ORC4: variants seen among roughly 807,000 people sequenced by gnomAD.
ORC4 encodes the protein origin recognition complex, subunit 4 homolog.
Under a neutral mutation model 63.9 loss-of-function variants are expected in ORC4, and 55 were observed. That is an observed-to-expected ratio of 0.86 (90% CI 0.69 to 1.08). ORC4 has a LOEUF of 1.08. Ranked by LOEUF, ORC4 falls within the 50% of genes least tolerant of loss-of-function variation. The pLI is 0.00. For synonymous variants in ORC4, 150 were observed against 168.5 expected (o/e 0.89, Z 0.85); for missense variants, 511 against 504.4 (o/e 1.01, Z -0.13).
At chr2:147,972,717 A>G in intron 4 of ORC4, 22 bp downstream of exon 4, 1 of 1,459,568 alleles carries the variant, frequency 6.9e-7, no homozygotes, top group Admixed American at 1.7e-5. Flanking sequence ...GCCAACAAAC[A>G]CCAGAAATCA....
chr2:147,944,124 T>C (rs1573755211), intron 9 of ORC4, among the ~76,000 whole-genome samples: 1 of 151,996 alleles, frequency 6.6e-6, no homozygotes, highest in South Asian at 2.1e-4. Flanking sequence ...CTGAGTGTTA[T>C]GAAGAAAAAA....
chr2:147,968,125 C>G (rs757810632), intron 4 of ORC4, among the ~76,000 whole-genome samples: 1 of 151,970 alleles, frequency 6.6e-6, no homozygotes, highest in Non-Finnish European at 1.5e-5. Context: ...CATCTCTCAT[C>G]CTGTACAAAA....
intron 1 of ORC4, among the ~76,000 whole-genome samples, chr2:147,996,196 T>C (rs1691961980): frequency 6.6e-6 from 1 of 151,784 alleles, no homozygotes; most frequent in South Asian, 2.1e-4. Context: ...TCCAGCTACT[T>C]GGGAGGCTGA....
rs553400105 is a variant in ORC4 at position 147,980,004 on chromosome 2, C to T, written c.-17-4029G>A. Among the ~76,000 whole-genome samples, 16 of 152,102 alleles carry T rather than the reference C, an allele frequency of 1.1e-4. No homozygotes were observed. In the South Asian group the frequency reaches 2.5e-3, roughly 24 times the overall value. ...GGGGAAAGCTTTTTGACACTGGACT[C>T]GGCAAAGATTTTTTTGGGATATGAC... On this transcript the variant is annotated intron_variant, in intron 1 of 13. Transcript: ENST00000392857.
At chr2:148,021,158 C>G (rs1693695552), upstream of ORC4, 1 of 156,802 alleles carries the variant, frequency 6.4e-6, no homozygotes, top group African/African-American at 2.4e-5. Flanking sequence ...AGGGGGGGCA[C>G]CTTTTATTTC....
At chr2:147,970,883 C>A (rs1690172564) in intron 4 of ORC4, among the ~76,000 whole-genome samples, 1 of 151,876 alleles carries the variant, frequency 6.6e-6, no homozygotes, top group South Asian at 2.1e-4. Context: ...GTCTGTAATC[C>A]CAGCACTTTG....
chr2:147,946,770 T>C (rs1158533459), intron 9 of ORC4, among the ~76,000 whole-genome samples: 2 of 151,964 alleles, frequency 1.3e-5, no homozygotes, highest in Admixed American at 1.3e-4. Context: ...AAAAGTAATA[T>C]AAAAATATGT....
chr2:147,993,726 G>A (rs1429430369), intron 1 of ORC4, among the ~76,000 whole-genome samples: 1 of 152,012 alleles, frequency 6.6e-6, no homozygotes, highest in African/African-American at 2.4e-5. Flanking sequence ...GGGGTTGGGG[G>A]CTTAAAAAAG....
chr2:147,938,945 G>A (rs1688213201), intron 11 of ORC4, among the ~76,000 whole-genome samples, 195 bp downstream of exon 11: 1 of 152,132 alleles, frequency 6.6e-6, no homozygotes, highest in South Asian at 2.1e-4. Flanking sequence ...TGGCAAAAGA[G>A]GCAGAGCGTC....
Position 147,987,273 on chromosome 2 carries a change from T to TAC in ORC4, c.-17-11300_-17-11299dup, listed in dbSNP as rs555882184. Among the ~76,000 whole-genome samples the TAC allele has an allele frequency of 1.3e-3, 202 of 150,596 alleles. 3 individuals carry two copies. In the East Asian group the frequency reaches 0.035, roughly 26 times the overall value. ...TATTAGGTTAAAAATGTGGCCTGCC[T>TAC]ACACACACACATACTTTTTCAACCA... On this transcript the variant is annotated intron_variant, in intron 1 of 13. Coordinates refer to ENST00000392857, the MANE Select transcript of ORC4 (RefSeq NM_181741.4).
At chr2:148,016,817 C>T (rs1693325372) in intron 1 of ORC4, among the ~76,000 whole-genome samples, 1 of 152,214 alleles carries the variant, frequency 6.6e-6, no homozygotes, top group African/African-American at 2.4e-5. Context: ...TCCCAAACCA[C>T]AATTTCTTTT....
intron 1 of ORC4, among the ~76,000 whole-genome samples, chr2:148,002,128 C>A (rs565413460): frequency 6.6e-6 from 1 of 152,256 alleles, no homozygotes; most frequent in African/African-American, 2.4e-5. Flanking sequence ...TAGAGACCTA[C>A]AAAGAGACTT....
intron 4 of ORC4, among the ~76,000 whole-genome samples, chr2:147,962,688 CAAG>C (rs532133475): frequency 3.3e-5 from 5 of 152,242 alleles, no homozygotes; most frequent in Admixed American, 1.3e-4. Flanking sequence ...GGCTCTCTCC[CAAG>C]AAGGAGAGGC....
chr2:147,958,633 T>A, intron 5 of ORC4, 158 bp downstream of exon 5: 2 of 587,564 alleles, frequency 3.4e-6, no homozygotes, highest in Non-Finnish European at 3.0e-6. Context: ...TTCATTATTA[T>A]TATTTTAATT....
In ORC4 at chr2:147,958,291, T is replaced by A. The variant is rs570567328; in HGVS notation, c.387+7A>T. On this transcript the variant is annotated splice_region_variant and intron_variant, in intron 6 of 13. Transcript: ENST00000392857. ...CTATTTAATAAAATAACTGAAATGA[T>A]ACTTACAAAAACTTTATCTCCAACT... is the stretch of plus-strand genomic sequence containing the variant. The A allele has an allele frequency of 4.5e-6, 7 of 1,549,976 alleles. No individual in the cohort carries two copies. The Admixed American group carries it at 1.0e-4, about 22-fold the overall frequency.
At chr2:148,002,463 CA>C (rs1348040380) in intron 1 of ORC4, among the ~76,000 whole-genome samples, 1 of 152,156 alleles carries the variant, frequency 6.6e-6, no homozygotes, top group African/African-American at 2.4e-5. Context: ...GAAACTCACT[CA>C]AAACTGCACA....
intron 2 of ORC4, among the ~76,000 whole-genome samples, chr2:147,975,323 A>T (rs1573824485): frequency 6.6e-6 from 1 of 152,126 alleles, no homozygotes. Context: ...AACGTAACGG[A>T]ACTTCCTCAA....
intron 1 of ORC4, among the ~76,000 whole-genome samples, chr2:147,984,503 T>C (rs564438665): frequency 6.6e-6 from 1 of 152,314 alleles, no homozygotes; most frequent in African/African-American, 2.4e-5. Flanking sequence ...AAAAGTTATA[T>C]GCAGATTTTC....
intron 7 of ORC4, among the ~76,000 whole-genome samples, 164 bp downstream of exon 7, chr2:147,955,183 C>A (rs1314103027): frequency 6.6e-6 from 1 of 151,018 alleles, no homozygotes; most frequent in East Asian, 1.9e-4. Context: ...TTGAGATAAT[C>A]ACTGTTATAG....
Sources: allele counts gnomAD v4.1 joint callset (sites outside exome capture counted in the v4.1 genomes callset), GRCh38; gene constraint gnomAD v4.1.1; transcripts MANE v1.5; gene names NCBI Gene and HGNC (gene_info 2026-07-23, HGNC 2026-07-21).